Variants in TMT1B observed in about 807,000 individuals in gnomAD.
TMT1B encodes thiol methyltransferase 1B, also known as thiol S-methyltransferase TMT1B.
At chr12:55,683,286 G>C in the TMT1B span, among the ~76,000 whole-genome samples, 1 of 152,148 alleles carries the variant, frequency 6.6e-6, no homozygotes, top group Non-Finnish European at 1.5e-5. Flanking sequence ...TTGAGGCCAG[G>C]AGTTTGAAAC....
the TMT1B span, among the ~76,000 whole-genome samples, chr12:55,683,658 G>C: frequency 6.6e-6 from 1 of 152,102 alleles, no homozygotes; most frequent in African/African-American, 2.4e-5. Flanking sequence ...GCGGTAGCAG[G>C]GGATGCAGAA....
At chr12:55,682,314 G>C in the TMT1B span, 1 of 1,538,628 alleles carries the variant, frequency 6.5e-7, no homozygotes. Context: ...CCGCCCCAGG[G>C]TTCGGCCCCC....
the TMT1B span, chr12:55,683,725 C>T: frequency 1.5e-6 from 2 of 1,319,028 alleles, no homozygotes; most frequent in East Asian, 2.3e-5. Flanking sequence ...GCTCCCATTT[C>T]ACCAAGAAGT....
the TMT1B span, chr12:55,684,148 G>A: frequency 8.9e-7 from 1 of 1,124,370 alleles, no homozygotes; most frequent in Non-Finnish European, 1.3e-6. Flanking sequence ...GAGGGACCTA[G>A]CAGAATGAGA....
At chr12:55,682,241 G>T in the TMT1B span, 5 of 1,610,782 alleles carry the variant, frequency 3.1e-6, no homozygotes, top group African/African-American at 2.7e-5. Flanking sequence ...GGTCCGGAGA[G>T]TACTGAGACC....
chr12:55,682,788 A>T, the TMT1B span, among the ~76,000 whole-genome samples: 32 of 109,004 alleles, frequency 2.9e-4, no homozygotes, highest in South Asian at 6.8e-4. Context: ...TGTATCAAAA[A>T]AAATAAATAA....
At chr12:55,681,815 C>T in the TMT1B span, 5,619 of 1,556,688 alleles carry the variant, frequency 3.6e-3, 35 homozygotes, top group Middle Eastern at 0.019. Context: ...GCCCCTGCAC[C>T]TCATGGCTCT....
chr12:55,682,053 A>C, the TMT1B span: 2 of 1,614,214 alleles, frequency 1.2e-6, no homozygotes, highest in Non-Finnish European at 1.7e-6. Context: ...CTAGACCCAA[A>C]TCCCCACTTT....
chr12:55,683,756 G>A, the TMT1B span: 187 of 1,540,852 alleles, frequency 1.2e-4, 1 homozygote, highest in African/African-American at 1.7e-3. Context: ...TGATCAGCGC[G>A]ATAGGGAGCA....
At chr12:55,681,869 CT>C in the TMT1B span, 12 of 1,602,596 alleles carry the variant, frequency 7.5e-6, no homozygotes, top group Non-Finnish European at 9.4e-6. Context: ...CTTCCCCTAC[CT>C]GATGGCCGTG....
the TMT1B span, chr12:55,683,831 T>G: frequency 6.2e-7 from 1 of 1,614,028 alleles, no homozygotes; most frequent in Admixed American, 1.7e-5. Flanking sequence ...GCTCTTTTTC[T>G]GGGAGCATGT....
At chr12:55,683,158 A>G in the TMT1B span, among the ~76,000 whole-genome samples, 30 of 152,318 alleles carry the variant, frequency 2.0e-4, no homozygotes, top group African/African-American at 7.2e-4. Flanking sequence ...CAGCTTGTGC[A>G]TGCATCTGGG....
the TMT1B span, among the ~76,000 whole-genome samples, chr12:55,682,810 G>A: frequency 1.9e-3 from 15 of 8,104 alleles, no homozygotes; most frequent in African/African-American, 0.016. Flanking sequence ...TAAATAAAAA[G>A]AGAGAGAGAG....
chr12:55,683,933 G>C, the TMT1B span: 1 of 1,614,142 alleles, frequency 6.2e-7, no homozygotes, highest in South Asian at 1.1e-5. Context: ...CCTCACCAGA[G>C]AGACCTGGAA....
At chr12:55,682,879 C>A in the TMT1B span, among the ~76,000 whole-genome samples, 3,296 of 151,966 alleles carry the variant, frequency 0.022, 111 homozygotes, top group African/African-American at 0.074. Context: ...AAAGAGTGTT[C>A]TAGGTAAAGA....
chr12:55,684,471 A>C, the TMT1B span: 1 of 177,584 alleles, frequency 5.6e-6, no homozygotes, highest in Non-Finnish European at 1.2e-5. Flanking sequence ...AGCCCCCCTG[A>C]CCCTCTCTCC....
At chr12:55,683,999 T>G in the TMT1B span, 1 of 1,613,866 alleles carries the variant, frequency 6.2e-7, no homozygotes, top group Non-Finnish European at 8.5e-7. Flanking sequence ...GCCCCCTCCC[T>G]TGAAGTGGCT....
At chr12:55,683,709 C>T in the TMT1B span, 2 of 1,146,568 alleles carry the variant, frequency 1.7e-6, no homozygotes, top group East Asian at 4.7e-5. Context: ...AACTCTCAGA[C>T]CAGCAGCTCC....
the TMT1B span, among the ~76,000 whole-genome samples, chr12:55,683,440 C>A: frequency 2.0e-5 from 3 of 151,884 alleles, no homozygotes; most frequent in Non-Finnish European, 1.5e-5. Flanking sequence ...GGTTGCAGTG[C>A]GCCGAGATCA....
Sources: gnomAD v4.1 joint callset for allele counts (sites outside exome capture counted in the v4.1 genomes callset) on GRCh38, gnomAD v4.1.1 for gene constraint, MANE v1.5 for transcripts, NCBI Gene and HGNC (gene_info 2026-07-23, HGNC 2026-07-21) for gene names.